Variants in ZNF488 observed in about 807,000 individuals in gnomAD.
ZNF488 encodes the protein zinc finger protein 488.
ZNF488 carries 1 observed loss-of-function variant against 1.2 expected under a neutral mutation model. The ratio of observed to expected loss-of-function variants is 0.86; its 90% CI spans 0.30 to 4.07. The LOEUF is 4.07. Among genes scored for constraint, ZNF488 ranks in the 30% most tolerant of loss-of-function variants. The probability of loss-of-function intolerance (pLI) is 0.18; values close to 1 mark genes in which losing one functional copy is unlikely to be tolerated. For missense variants in ZNF488, 450 were observed against 437.9 expected, an observed-to-expected ratio of 1.03 and a Z score of -0.25; for synonymous variants, 185 against 190.1, an observed-to-expected ratio of 0.97 and a Z score of 0.22.
At position 47,368,187 on chromosome 10, in the gene ZNF488, C is replaced by A. The variant is rs782722791; in HGVS notation, c.643G>T (p.Gly215Cys). Residue 215 changes from glycine (G) to cysteine (C), a missense_variant, in exon 2 of 2, where the codon GGT becomes TGT. Transcript: ENST00000585316. Reference sequence around the variant, plus strand: ...AATGCTTGCAAGTTCCACAAATCACCAACCAAAAGCTTGGGAGTTGAAAGT... The same window carrying A: ...AATGCTTGCAAGTTCCACAAATCACAAACCAAAAGCTTGGGAGTTGAAAGT... ...GRLSTPKLLV[G>C]DLWNLQALPQ... 38 of 1,614,072 alleles carry A rather than the reference C, an allele frequency of 2.4e-5. No individual in the cohort carries two copies. The highest frequency in any genetic ancestry group is 3.1e-5 in the Non-Finnish European group (37 of 1,180,048).
chr10:47,368,337 T>C lies in ZNF488; in HGVS notation c.493A>G (p.Lys165Glu). ...ARSEQRSAFS[K>E]PTKRPAERPE... ...CTCTCTGCTGGTCGCTTGGTTGGTTTGCTAAAGGCGCTTCTTTGCTCACTT... is the reference window on the plus strand; with the variant it reads ...CTCTCTGCTGGTCGCTTGGTTGGTTCGCTAAAGGCGCTTCTTTGCTCACTT... Residue 165 changes from lysine to glutamate, a missense_variant, in exon 2 of 2, where the codon AAA (lysine) becomes GAA (glutamate). Coordinates refer to ENST00000585316, the MANE Select transcript of ZNF488 (RefSeq NM_153034.4). 6.2e-7 allele frequency: 1 copy of C among 1,614,204 alleles called. No homozygotes were observed. The highest frequency in any genetic ancestry group is 1.1e-5 in the South Asian group (1 of 91,086).
rs557137885 is a variant in ZNF488, at chr10:47,370,513, G to A, written c.-108-1576C>T. Among the ~76,000 whole-genome samples the A allele has an allele frequency of 4.6e-5, 7 of 152,330 alleles. No homozygotes were observed. The South Asian group carries it at 1.5e-3, about 32-fold the overall frequency. On this transcript the variant is annotated intron_variant, in intron 1 of 1. Transcript: ENST00000585316. ...AGGGTGGAGGTCACACAAGGGCCTG[G>A]AACTCTGAAAGTACTCTCCCTCAGG...
chr10:47,368,626 A>T lies in ZNF488; in HGVS notation c.204T>A (p.Asp68Glu), dbSNP rs782527602. 6.2e-7 allele frequency: 1 copy of T among 1,610,606 alleles called. No homozygotes were observed. Among genetic ancestry groups the T allele is most frequent in the South Asian group, 1.1e-5 (1 of 91,034 alleles). Residue 68 changes from aspartate (D) to glutamate (E), a missense_variant, in exon 2 of 2, where the codon GAT becomes GAA. Transcript: ENST00000585316. ...ACAGTGCCAGCTCCGCACTGCCCAC[A>T]TCCCGGCCCGCCCTGCCCACAGCAG... ...PEAAVGRAGR[D>E]VGSAELALLV... is the part of the protein sequence containing the mutation.
At position 47,368,679 on chromosome 10, in the gene ZNF488, C is replaced by T. The variant is rs202056332; in HGVS notation, c.151G>A (p.Glu51Lys). ...TCAGGGCCCAGGCGGTTCGTCTTCT[C>T]GAGCAGCACTGGCTTGCAGCCCCGG... The part of the protein sequence containing the change: ...LGRGCKPVLL[E>K]KTNRLGPEAA... The change falls in exon 2 of 2, where the codon GAG becomes AAG. Residue 51 changes from glutamate (E) to lysine (K), a missense_variant. Physicochemically the swap from Glu to Lys is moderately conservative, Grantham distance 56. Coordinates refer to ENST00000585316, the MANE Select transcript of ZNF488 (RefSeq NM_153034.4). 208 of 1,612,528 alleles carry T rather than the reference C, an allele frequency of 1.3e-4. 1 individual carries two copies. In the East Asian group the frequency reaches 1.9e-3, roughly 15 times the overall value.
intron 1 of ZNF488, among the ~76,000 whole-genome samples, chr10:47,373,858 G>A (rs183668785): frequency 2.0e-5 from 3 of 152,322 alleles, no homozygotes; most frequent in East Asian, 3.9e-4. Flanking sequence ...GAGGAAGGAC[G>A]GCCCAGCAGG....
At chr10:47,380,257 A>T (rs115757696) in intron 1 of ZNF488, among the ~76,000 whole-genome samples, 1 of 150,122 alleles carries the variant, frequency 6.7e-6, no homozygotes, top group African/African-American at 2.4e-5. Flanking sequence ...TCAGCAAGAC[A>T]TCTTTCTGAG....
chr10:47,378,778 C>T (rs1203420969), intron 1 of ZNF488, among the ~76,000 whole-genome samples: 1 of 152,200 alleles, frequency 6.6e-6, no homozygotes, highest in Non-Finnish European at 1.5e-5. Flanking sequence ...TGTGGAACAT[C>T]GCCACCCCGC....
At chr10:47,380,852 GTTT>G (rs1555215231) in intron 1 of ZNF488, among the ~76,000 whole-genome samples, 3,381 of 146,636 alleles carry the variant, frequency 0.023, no homozygotes, top group African/African-American at 0.033. Flanking sequence ...TCACCTTGGT[GTTT>G]TCTTCACTGG....
intron 1 of ZNF488, among the ~76,000 whole-genome samples, chr10:47,375,570 T>C (rs1195640427): frequency 1.3e-5 from 2 of 152,264 alleles, no homozygotes; most frequent in East Asian, 1.9e-4. Context: ...AGCTGTTATA[T>C]TGTGAATAGC....
chr10:47,375,932 C>T (rs1245612935), intron 1 of ZNF488, among the ~76,000 whole-genome samples: 1 of 152,146 alleles, frequency 6.6e-6, no homozygotes, highest in South Asian at 2.1e-4. Flanking sequence ...ACGCGAATGC[C>T]AGGCAGTGAC....
Position 47,367,158 on chromosome 10 carries a change from A to G in ZNF488, c.*649T>C, listed in dbSNP as rs1459963032. 1 of 167,234 alleles carries G rather than the reference A, an allele frequency of 6.0e-6. No homozygotes were observed. The highest frequency in any genetic ancestry group is 1.5e-5 in the Non-Finnish European group (1 of 68,252). 10.4% of individuals were successfully genotyped at this position (167,234 alleles called of 1,614,324 possible). A position where few individuals can be genotyped will look rare whatever the true frequency, so the allele number is the denominator to read the frequency against. ...CCACCAGCCGAAGAAGAAAACGAAT[A>G]TGACTTGATCAAATCTGAGACTTGC... On this transcript the variant is annotated 3_prime_UTR_variant, in exon 2 of 2. Coordinates refer to ENST00000585316, the MANE Select transcript of ZNF488 (RefSeq NM_153034.4).
rs1316413113 is a variant in ZNF488 at position 47,368,953 on chromosome 10, G to T, written c.-108-16C>A. 1.7e-6 allele frequency: 2 copies of T among 1,186,696 alleles called. No individual in the cohort carries two copies. The highest frequency in any genetic ancestry group is 2.4e-6 in the Non-Finnish European group (2 of 850,102). 73.5% of individuals were successfully genotyped at this position (1,186,696 alleles called of 1,614,324 possible). Reference sequence around the variant, plus strand: ...CCACAGGGCCCTGCAGAGAGAGGAAGCGACAGGCAGTGAGATGGGCATTCA... The same window carrying T: ...CCACAGGGCCCTGCAGAGAGAGGAATCGACAGGCAGTGAGATGGGCATTCA... On this transcript the variant is annotated splice_polypyrimidine_tract_variant and intron_variant, in intron 1 of 1. Coordinates refer to ENST00000585316, the MANE Select transcript of ZNF488 (RefSeq NM_153034.4).
chr10:47,373,652 C>T (rs1565782210), intron 1 of ZNF488, among the ~76,000 whole-genome samples: 1 of 152,182 alleles, frequency 6.6e-6, no homozygotes, highest in Non-Finnish European at 1.5e-5. Flanking sequence ...AAATGTACGG[C>T]ATGGAGAAGT....
intron 1 of ZNF488, among the ~76,000 whole-genome samples, chr10:47,370,872 A>T (rs1837442610): frequency 1.3e-5 from 2 of 152,166 alleles, no homozygotes; most frequent in South Asian, 4.1e-4. Flanking sequence ...ACAGAAAATG[A>T]CCACCAGGTC....
chr10:47,375,998 T>C (rs969027188), intron 1 of ZNF488, among the ~76,000 whole-genome samples: 2 of 152,108 alleles, frequency 1.3e-5, no homozygotes, highest in Admixed American at 6.5e-5. Context: ...ATGGGTAAGA[T>C]CACATGGTCT....
At chr10:47,374,230 A>G (rs1837590395) in intron 1 of ZNF488, among the ~76,000 whole-genome samples, 1 of 152,200 alleles carries the variant, frequency 6.6e-6, no homozygotes, top group South Asian at 2.1e-4. Flanking sequence ...TGGCATTATG[A>G]TGCATCTTTT....
chr10:47,368,066 G>A lies in ZNF488; in HGVS notation c.764C>T (p.Ser255Phe), dbSNP rs782705763. Residue 255 changes from serine (S) to phenylalanine (F), a missense_variant, in exon 2 of 2, where the codon TCC (serine) becomes TTC (phenylalanine). Ser to Phe is a radical substitution (Grantham distance 155). Transcript: ENST00000585316. ...TGGCAGGAGGGCCCACGAAGTGGTG[G>A]AGGATGATGAGGGTGGGGGCACCTG... ...QAQVPPPSSS[S>F]TTSWALLPPT... 5.0e-6 allele frequency: 8 copies of A among 1,614,072 alleles called. No homozygotes were observed. The highest frequency in any genetic ancestry group is 1.6e-4 in the Middle Eastern group (1 of 6,084).
intron 1 of ZNF488, among the ~76,000 whole-genome samples, chr10:47,383,259 A>T (rs1838053327): frequency 6.6e-6 from 1 of 152,250 alleles, no homozygotes. Context: ...TGTCTCCCTC[A>T]GGAGTAATTA....
Position 47,367,946 on chromosome 10 carries a change from C to A in ZNF488, c.884G>T (p.Arg295Leu). 1 of 1,614,008 alleles carries A rather than the reference C, an allele frequency of 6.2e-7. No individual in the cohort carries two copies. The highest frequency in any genetic ancestry group is 8.5e-7 in the Non-Finnish European group (1 of 1,180,022). ...CGCATGCTCCTTTTTGTGGTGGGAT[C>A]GCATGTGAAAGACCAGGTCGGACGT... Reference protein sequence around the residue: ...RLTSDLVFHMRSHHKKEHAGP... With the variant: ...RLTSDLVFHMLSHHKKEHAGP... The change falls in exon 2 of 2, where the codon CGA becomes CTA. Residue 295 changes from arginine (R) to leucine (L), a missense_variant. Arg to Leu is a moderately radical substitution (Grantham distance 102). Coordinates refer to ENST00000585316, the MANE Select transcript of ZNF488 (RefSeq NM_153034.4).
Sources: gnomAD v4.1 joint callset for allele counts (sites outside exome capture counted in the v4.1 genomes callset) on GRCh38, gnomAD v4.1.1 for gene constraint, MANE v1.5 for transcripts, NCBI Gene and HGNC (gene_info 2026-07-23, HGNC 2026-07-21) for gene names.